Variants in MAP4K5 observed in about 807,000 individuals in gnomAD.
MAP4K5 encodes mitogen-activated protein kinase kinase kinase kinase 5.
Under a neutral mutation model 135.6 loss-of-function variants are expected in MAP4K5, and 82 were observed. The ratio of observed to expected loss-of-function variants is 0.60; its 90% confidence interval spans 0.51 to 0.73. The LOEUF (loss-of-function observed/expected upper bound fraction) is 0.73, where lower values mean the gene tolerates loss of function less well. Ranked by LOEUF, MAP4K5 falls within the 30% of genes least tolerant of loss-of-function variation. The pLI, the probability that MAP4K5 is intolerant of heterozygous loss-of-function variation, is 0.00. For synonymous variants in MAP4K5, 347 were observed against 335.0 expected, an observed-to-expected ratio of 1.04 and a Z score of -0.39; for missense variants, 907 against 1,010.9, an observed-to-expected ratio of 0.90 and a Z score of 1.39.
intron 2 of MAP4K5, among the ~76,000 whole-genome samples, chr14:50,522,705 A>C (rs573413654): frequency 6.6e-6 from 1 of 152,320 alleles, no homozygotes; most frequent in African/African-American, 2.4e-5. Flanking sequence ...ATGAAAACCA[A>C]GAGTCTCTCA....
intron 5 of MAP4K5, 100 bp from the exon 6 acceptor site, chr14:50,482,516 C>T (rs1188942656): frequency 4.6e-5 from 34 of 742,430 alleles, no homozygotes; most frequent in African/African-American, 7.5e-5. Context: ...CAGTGGCTCA[C>T]GCCTGTAATC....
chr14:50,453,669 A>G (rs1015136566), intron 14 of MAP4K5, among the ~76,000 whole-genome samples: 4 of 152,144 alleles, frequency 2.6e-5, no homozygotes, highest in African/African-American at 9.6e-5. Flanking sequence ...AACACTTCAA[A>G]AAGTTTCCAA....
intron 28 of MAP4K5, among the ~76,000 whole-genome samples, chr14:50,432,747 A>G (rs576135624): frequency 1.3e-5 from 2 of 152,214 alleles, no homozygotes; most frequent in South Asian, 2.1e-4. Flanking sequence ...TGATGAGCAA[A>G]AAAAAAAAGT....
intron 30 of MAP4K5, 85 bp downstream of exon 30, chr14:50,428,577 G>A (rs751844172): frequency 4.1e-6 from 3 of 737,040 alleles, no homozygotes; most frequent in Non-Finnish European, 6.5e-6. Context: ...GTGAGACAGT[G>A]CTGGTCTAGA....
At chr14:50,543,311 A>G (rs1476734851) in intron 1 of MAP4K5, among the ~76,000 whole-genome samples, 4 of 152,256 alleles carry the variant, frequency 2.6e-5, no homozygotes, top group African/African-American at 9.6e-5. Flanking sequence ...TTGACAGATA[A>G]GTCAACCATC....
chr14:50,540,531 T>C (rs2038547967), intron 2 of MAP4K5, among the ~76,000 whole-genome samples: 1 of 152,194 alleles, frequency 6.6e-6, no homozygotes, highest in Non-Finnish European at 1.5e-5. Flanking sequence ...TGTAGCCTTT[T>C]ACCAGGGTGA....
At chr14:50,517,584 A>G (rs1010312412) in intron 2 of MAP4K5, among the ~76,000 whole-genome samples, 4 of 152,058 alleles carry the variant, frequency 2.6e-5, no homozygotes, top group African/African-American at 9.7e-5. Flanking sequence ...CCTGGTCAAC[A>G]TGGTGAAATC....
chr14:50,485,188 C>T (rs554208863), intron 5 of MAP4K5, among the ~76,000 whole-genome samples: 33 of 152,196 alleles, frequency 2.2e-4, no homozygotes, highest in Middle Eastern at 3.4e-3. Flanking sequence ...AAAAATATTA[C>T]AGTAACAAGC....
At chr14:50,524,081 C>A (rs1289517141) in intron 2 of MAP4K5, among the ~76,000 whole-genome samples, 1 of 152,188 alleles carries the variant, frequency 6.6e-6, no homozygotes, top group Non-Finnish European at 1.5e-5. Context: ...CTCCCAAATT[C>A]TTTGTCTTGA....
chr14:50,455,974 A>G (rs926053071), intron 14 of MAP4K5, among the ~76,000 whole-genome samples: 1 of 152,264 alleles, frequency 6.6e-6, no homozygotes, highest in South Asian at 2.1e-4. Context: ...TTCCTTTAGA[A>G]AGATTCATCT....
chr14:50,520,448 C>A (rs1254898129), intron 2 of MAP4K5, among the ~76,000 whole-genome samples: 1 of 152,088 alleles, frequency 6.6e-6, no homozygotes, highest in African/African-American at 2.4e-5. Flanking sequence ...TAGTAGTGAG[C>A]CGAGATCATG....
chr14:50,462,851 C>T, intron 12 of MAP4K5, 70 bp from the exon 13 acceptor site: 1 of 853,510 alleles, frequency 1.2e-6, no homozygotes, highest in South Asian at 1.4e-5. Context: ...ATGCTATCTT[C>T]ATTTTTTCAT....
chr14:50,432,017 A>G (rs944138225), intron 28 of MAP4K5, among the ~76,000 whole-genome samples: 7 of 152,238 alleles, frequency 4.6e-5, no homozygotes, highest in Admixed American at 6.5e-5. Flanking sequence ...TGAAGAATCC[A>G]TATCTACAGA....
At chr14:50,456,708 A>G in intron 13 of MAP4K5, 114 bp from the exon 14 acceptor site, 1 of 672,236 alleles carries the variant, frequency 1.5e-6, no homozygotes. Flanking sequence ...AAATTATAGG[A>G]TAAACATAAA....
rs78023840 is a variant in MAP4K5, at chr14:50,436,307, T to C, written c.1882+1169A>G. On this transcript the variant is annotated intron_variant, in intron 26 of 32. Transcript: ENST00000682126. ...TCTCTGTCCTGCTTCTGGGAGGTAA[T>C]TGCTAAGCCTTTGGAATGTCATGCT... Among the ~76,000 whole-genome samples, 546 of 152,226 alleles carry C rather than the reference T, an allele frequency of 3.6e-3. 4 individuals are homozygous for C. The highest frequency in any genetic ancestry group is 0.012 in the African/African-American group (512 of 41,540).
intron 18 of MAP4K5, among the ~76,000 whole-genome samples, chr14:50,444,714 T>C (rs190392603): frequency 6.6e-6 from 1 of 152,304 alleles, no homozygotes; most frequent in African/African-American, 2.4e-5. Flanking sequence ...TCTTTCCTAA[T>C]GTTATGTGTA....
At chr14:50,450,680 C>G (rs1052363542) in intron 14 of MAP4K5, 1 of 152,184 alleles carries the variant, frequency 6.6e-6, no homozygotes, top group Non-Finnish European at 1.5e-5. Flanking sequence ...CAGAAAACAG[C>G]TAACAGAGCG....
chr14:50,445,107 C>T lies in MAP4K5; in HGVS notation c.1273G>A (p.Ala425Thr), dbSNP rs572810657. 6.2e-7 allele frequency: 1 copy of T among 1,613,700 alleles called. No individual in the cohort carries two copies. Among genetic ancestry groups the T allele is most frequent in the Admixed American group, 1.7e-5 (1 of 59,982 alleles). ...IKHCPDSESR[A>T]PQILRRQSSP... Reference sequence around the variant, plus strand: ...CTCTGTCTTCTGAGAATTTGGGGAGCTCTGCTTTCTGAATCAGGACAATGT... The same window carrying T: ...CTCTGTCTTCTGAGAATTTGGGGAGTTCTGCTTTCTGAATCAGGACAATGT... Residue 425 changes from alanine to threonine, a missense_variant, in exon 18 of 33, where the codon GCT becomes ACT. Around this residue, in one of 3 missense-constraint regions of MAP4K5, gnomAD observed 690 missense variants for 777.4 expected, o/e 0.89. Coordinates refer to ENST00000682126, the MANE Select transcript of MAP4K5 (RefSeq NM_006575.6).
intron 2 of MAP4K5, among the ~76,000 whole-genome samples, chr14:50,519,083 T>C (rs1205264204): frequency 6.6e-6 from 1 of 152,164 alleles, no homozygotes; most frequent in East Asian, 1.9e-4. Flanking sequence ...CAATTGCTTG[T>C]ATGTTTGTAT....
Sources: allele counts gnomAD v4.1 joint callset (sites outside exome capture counted in the v4.1 genomes callset), GRCh38; gene constraint gnomAD v4.1.1; regional missense constraint gnomAD v4.1.1; transcripts MANE v1.5; gene names NCBI Gene and HGNC (gene_info 2026-07-23, HGNC 2026-07-21).